PRKCB: variants seen among roughly 807,000 people sequenced by gnomAD.
PRKCB encodes the protein protein kinase C beta.
PRKCB carries 13 observed loss-of-function variants against 81.5 expected under a neutral mutation model. The observed-to-expected ratio is 0.16, with a 90% CI of 0.10 to 0.25. The LOEUF (loss-of-function observed/expected upper bound fraction) is 0.25, where lower values mean the gene tolerates loss of function less well. Ranked by LOEUF, PRKCB falls within the 10% of genes least tolerant of loss-of-function variation. The pLI is 1.00. For missense variants in PRKCB, 509 were observed against 875.7 expected, an observed-to-expected ratio of 0.58 and a Z score of 5.29; for synonymous variants, 335 against 321.4, an observed-to-expected ratio of 1.04 and a Z score of -0.45.
intron 3 of PRKCB, among the ~76,000 whole-genome samples, chr16:24,021,326 CCTTCCTTCCTTCCTTCCTTCCTTCCTT>C (rs1965395543): frequency 2.8e-4 from 19 of 67,134 alleles, no homozygotes; most frequent in South Asian, 1.7e-3. Context: ...TTCCTTCCTT[CCTTCCTTCCTTCCTTCCTTCCTTCCTT>C]CCTCCTTCCC....
chr16:24,113,105 T>A, intron 8 of PRKCB, 36 bp downstream of exon 8: 2 of 1,538,268 alleles, frequency 1.3e-6, no homozygotes, highest in Non-Finnish European at 1.8e-6. Flanking sequence ...CTTTCTTTTT[T>A]CTCTTTCTTT....
chr16:23,958,741 A>G (rs1200738172), intron 2 of PRKCB, among the ~76,000 whole-genome samples: 1 of 106,030 alleles, frequency 9.4e-6, no homozygotes, highest in Non-Finnish European at 1.9e-5. Flanking sequence ...CTCCTCCCCC[A>G]CTCCCTTCCA....
Position 24,140,391 on chromosome 16 carries a change from C to T in PRKCB, c.1066-14293C>T, listed in dbSNP as rs149793377. Among the ~76,000 whole-genome samples, 10 of 152,252 alleles carry T rather than the reference C, an allele frequency of 6.6e-5. No individual in the cohort carries two copies. In the East Asian group the frequency reaches 1.7e-3, roughly 26 times the overall value. ...CCACCCGGTGGGATCTTCTTGCCTG[C>T]TCCCCAGATAGAGCCGATTTCTCAA... On this transcript the variant is annotated intron_variant, in intron 9 of 16. Transcript: ENST00000643927.
chr16:24,194,456 G>A (rs760197196), intron 16 of PRKCB, among the ~76,000 whole-genome samples: 1 of 152,174 alleles, frequency 6.6e-6, no homozygotes, highest in African/African-American at 2.4e-5. Context: ...ACACCCATAT[G>A]TATCCCATGC....
intron 2 of PRKCB, among the ~76,000 whole-genome samples, chr16:23,911,769 G>A (rs1437297936): frequency 6.6e-6 from 1 of 150,966 alleles, no homozygotes; most frequent in African/African-American, 2.4e-5. Context: ...TCTTACATGA[G>A]ATGTCCTTCT....
chr16:24,185,014 G>A, intron 13 of PRKCB, 97 bp from the exon 14 acceptor site: 1 of 995,052 alleles, frequency 1.0e-6, no homozygotes, highest in South Asian at 1.3e-5. Context: ...AAACAGTTCA[G>A]GTGGGCACTG....
At chr16:24,025,329 G>A (rs1050849525) in intron 3 of PRKCB, among the ~76,000 whole-genome samples, 3 of 152,136 alleles carry the variant, frequency 2.0e-5, no homozygotes, top group South Asian at 2.1e-4. Context: ...TTAGTTCTTC[G>A]GTTTCCTCAT....
intron 7 of PRKCB, among the ~76,000 whole-genome samples, chr16:24,108,441 G>A (rs1966608943): frequency 6.9e-6 from 1 of 145,694 alleles, no homozygotes; most frequent in Non-Finnish European, 1.5e-5. Context: ...TGGAGGGAAG[G>A]TCAGCAGCTA....
intron 4 of PRKCB, 24 bp downstream of exon 4, chr16:24,032,271 G>T: frequency 3.9e-6 from 6 of 1,533,424 alleles, no homozygotes; most frequent in Admixed American, 1.7e-5. Context: ...CTCTCTGGGG[G>T]CATCTGCTGA....
chr16:24,123,178 C>T (rs1245548525), intron 8 of PRKCB, among the ~76,000 whole-genome samples: 1 of 152,154 alleles, frequency 6.6e-6, no homozygotes, highest in East Asian at 1.9e-4. Flanking sequence ...ATGAGGGCTT[C>T]CCTGAGCCAT....
chr16:23,893,638 T>C (rs1963328074), intron 2 of PRKCB: 1 of 152,258 alleles, frequency 6.6e-6, no homozygotes, highest in Non-Finnish European at 1.5e-5. Flanking sequence ...TATAAATATG[T>C]GTACTTCTTT....
At chr16:24,019,723 T>G (rs1965334213) in intron 3 of PRKCB, among the ~76,000 whole-genome samples, 1 of 150,800 alleles carries the variant, frequency 6.6e-6, no homozygotes, top group South Asian at 2.1e-4. Context: ...GAGATTGCAC[T>G]GCTGCACTCC....
chr16:23,907,885 C>T (rs1022996248), intron 2 of PRKCB, among the ~76,000 whole-genome samples: 3 of 152,210 alleles, frequency 2.0e-5, no homozygotes, highest in South Asian at 2.1e-4. Context: ...GCCATGGATC[C>T]AGGAACAATG....
Position 24,216,560 on chromosome 16 carries a change from A to G in PRKCB, c.*1744A>G. 1 of 985,460 alleles carries G rather than the reference A, an allele frequency of 1.0e-6. No individual in the cohort carries two copies. The highest frequency in any genetic ancestry group is 1.2e-6 in the Non-Finnish European group (1 of 829,942). The allele number at this position is 985,460 out of a possible 1,614,324, so 61.0% of individuals were successfully genotyped here. ...TCAAGGGAACTTTAACAACTTGACA[A>G]ATGTCCTTGAAGTAAGATGCCTCAT... On this transcript the variant is annotated 3_prime_UTR_variant, in exon 17 of 17. Transcript: ENST00000643927.
At chr16:24,153,307 T>C (rs1487513264) in intron 9 of PRKCB, among the ~76,000 whole-genome samples, 2 of 152,154 alleles carry the variant, frequency 1.3e-5, no homozygotes, top group African/African-American at 4.8e-5. Flanking sequence ...TCCTGCAATA[T>C]GGGATTCACA....
At chr16:24,022,820 C>T (rs1437310707) in intron 3 of PRKCB, among the ~76,000 whole-genome samples, 1 of 152,112 alleles carries the variant, frequency 6.6e-6, no homozygotes, top group African/African-American at 2.4e-5. Context: ...TCTGATAGTT[C>T]CTGACTTAAA....
chr16:24,089,191 G>A (rs1176874203), intron 5 of PRKCB, among the ~76,000 whole-genome samples: 2 of 152,210 alleles, frequency 1.3e-5, no homozygotes, highest in East Asian at 1.9e-4. Flanking sequence ...GTTACTTAAT[G>A]TGTGTCTTAT....
At chr16:23,852,238 G>A (rs1179803110) in intron 2 of PRKCB, among the ~76,000 whole-genome samples, 1 of 152,298 alleles carries the variant, frequency 6.6e-6, no homozygotes, top group East Asian at 1.9e-4. Context: ...TGTTAGCTAC[G>A]GGTTTGTCAT....
At chr16:23,921,484 A>G (rs1014991789) in intron 2 of PRKCB, among the ~76,000 whole-genome samples, 1 of 152,062 alleles carries the variant, frequency 6.6e-6, no homozygotes, top group African/African-American at 2.4e-5. Context: ...AGAAAATGGG[A>G]AGAAATAAGG....
Sources: allele counts gnomAD v4.1 joint callset (sites outside exome capture counted in the v4.1 genomes callset), GRCh38; gene constraint gnomAD v4.1.1; transcripts MANE v1.5; gene names NCBI Gene and HGNC (gene_info 2026-07-23, HGNC 2026-07-21).